The following CFAP91 variants were observed in gnomAD, a reference collection of about 807,000 sequenced individuals.
The protein encoded by CFAP91 is cilia- and flagella-associated protein 91.
Under a neutral mutation model 95.9 loss-of-function variants are expected in CFAP91, and 85 were observed. That is an observed-to-expected ratio of 0.89 (90% CI 0.74 to 1.06). The LOEUF (loss-of-function observed/expected upper bound fraction) is 1.06. Among genes scored for constraint, CFAP91 ranks in the 50% least tolerant of loss-of-function variants. The pLI is 0.00. For missense variants in CFAP91, 962 were observed against 943.4 expected, an observed-to-expected ratio of 1.02 and a Z score of -0.26; for synonymous variants, 335 against 327.5, an observed-to-expected ratio of 1.02 and a Z score of -0.25.
At position 119,766,470 on chromosome 3, in the gene CFAP91, G is replaced by GA. The variant is rs1339377450; in HGVS notation, c.*1425dup. On this transcript the variant is annotated 3_prime_UTR_variant, in exon 18 of 18. Transcript: ENST00000273390. ...GCAACTAAATTTTGTTTTGTTCTTT[G>GA]AAAAAGGCTAACCTGAGCTAGGTAA... The GA allele has an allele frequency of 6.6e-6, 1 of 152,070 alleles. No homozygotes were observed. The highest frequency in any genetic ancestry group is 2.4e-5 in the African/African-American group (1 of 41,404). 9.4% of individuals were successfully genotyped at this position (152,070 alleles called of 1,614,324 possible).
Position 119,730,355 on chromosome 3 carries a change from A to C in CFAP91, c.996A>C (p.Lys332Asn), listed in dbSNP as rs1325493314. The C allele has an allele frequency of 3.1e-6, 5 of 1,614,022 alleles. No individual in the cohort carries two copies. The highest frequency in any genetic ancestry group is 2.7e-5 in the African/African-American group (2 of 74,916). ...LQEGKEAKMA[K>N]IQRTHVSTIR... ...AGGGAAAAGAGGCAAAAATGGCAAA[A>C]ATTCAGCGCACGCATGTATCAAGTA... Residue 332 changes from lysine to asparagine, a missense_variant, in exon 8 of 18, where the codon AAA (lysine) becomes AAC (asparagine). By Grantham distance (94) the Lys-to-Asn change is moderately conservative (BLOSUM62 0). Coordinates refer to ENST00000273390, the MANE Select transcript of CFAP91 (RefSeq NM_033364.4).
chr3:119,757,477 C>T (rs987496863), intron 17 of CFAP91, among the ~76,000 whole-genome samples: 4 of 151,926 alleles, frequency 2.6e-5, no homozygotes, highest in Non-Finnish European at 5.9e-5. Flanking sequence ...AGCCGTGTCT[C>T]TACCAAAAAT....
intron 5 of CFAP91, among the ~76,000 whole-genome samples, chr3:119,710,572 C>A (rs2053454843): frequency 6.6e-6 from 1 of 152,234 alleles, no homozygotes; most frequent in Admixed American, 6.5e-5. Flanking sequence ...GACACAGACA[C>A]ATATTCAAAT....
chr3:119,719,031 C>A (rs771121454), intron 6 of CFAP91, among the ~76,000 whole-genome samples: 1 of 151,978 alleles, frequency 6.6e-6, no homozygotes, highest in Non-Finnish European at 1.5e-5. Context: ...TGAAAACAAC[C>A]CAAATGTCCA....
intron 11 of CFAP91, among the ~76,000 whole-genome samples, chr3:119,738,330 G>GTCTTT (rs2054049093): frequency 1.7e-4 from 4 of 23,706 alleles, no homozygotes; most frequent in Non-Finnish European, 3.7e-4. Context: ...TTGACATATT[G>GTCTTT]TCTTTTTTTT....
At chr3:119,746,091 A>C (rs964266565) in intron 14 of CFAP91, among the ~76,000 whole-genome samples, 2 of 152,206 alleles carry the variant, frequency 1.3e-5, no homozygotes, top group Non-Finnish European at 2.9e-5. Context: ...ATATACATAC[A>C]CCTGTAAAGC....
At position 119,743,964 on chromosome 3, in the gene CFAP91, T is replaced by C. The variant is rs372748628; in HGVS notation, c.1681-11T>C. On this transcript the variant is annotated splice_polypyrimidine_tract_variant and intron_variant, in intron 13 of 17. Transcript: ENST00000273390. ...AATTTGTGTCCTTAAAGTTATGTTATTCTTTTCAAGGTGTCACTGGTTGAA... is the reference window on the plus strand; with the variant it reads ...AATTTGTGTCCTTAAAGTTATGTTACTCTTTTCAAGGTGTCACTGGTTGAA... The C allele has an allele frequency of 8.2e-6, 13 of 1,585,830 alleles. No individual in the cohort carries two copies. The African/African-American group carries it at 1.4e-4, about 17-fold the overall frequency.
At chr3:119,730,600 T>TTGTGTG (rs1559757137) in intron 8 of CFAP91, among the ~76,000 whole-genome samples, 2 of 95,358 alleles carry the variant, frequency 2.1e-5, no homozygotes, top group East Asian at 8.3e-4. Context: ...GTTACTGAGA[T>TTGTGTG]AGTGTGTGTG....
chr3:119,748,425 A>T (rs888827438), intron 16 of CFAP91, among the ~76,000 whole-genome samples: 1 of 152,194 alleles, frequency 6.6e-6, no homozygotes, highest in African/African-American at 2.4e-5. Context: ...TTAAAGATTG[A>T]TGCTTTTAGT....
chr3:119,740,814 A>G lies in CFAP91; in HGVS notation c.1680+119A>G, dbSNP rs182309676. ...ATGATGAAAAAGAAACAGCCCCACA[A>G]TCCCATCACTCTGTCAGCATTTGTG... On this transcript the variant is annotated intron_variant, in intron 13 of 17. Coordinates refer to ENST00000273390, the MANE Select transcript of CFAP91 (RefSeq NM_033364.4). 5 of 900,084 alleles carry G rather than the reference A, an allele frequency of 5.6e-6. No homozygotes were observed. The African/African-American group carries it at 7.0e-5, about 13-fold the overall frequency. The allele number at this position is 900,084 out of a possible 1,614,324, so 55.8% of individuals were successfully genotyped here.
chr3:119,757,222 C>T (rs547783532), intron 17 of CFAP91, among the ~76,000 whole-genome samples: 10 of 152,216 alleles, frequency 6.6e-5, no homozygotes, highest in African/African-American at 1.7e-4. Context: ...CTTAATAGCA[C>T]GGCCTCCCCC....
chr3:119,713,151 G>C (rs568994217), intron 5 of CFAP91: 1 of 148,750 alleles, frequency 6.7e-6, no homozygotes, highest in South Asian at 2.1e-4. Context: ...ATGGAGTCTT[G>C]CTCCATCACT....
At chr3:119,736,234 C>T (rs1448309592) in intron 10 of CFAP91, among the ~76,000 whole-genome samples, 1 of 151,586 alleles carries the variant, frequency 6.6e-6, no homozygotes, top group Non-Finnish European at 1.5e-5. Context: ...TTCCCCTCAG[C>T]CCCTGGCAAC....
chr3:119,734,877 A>G (rs1342842415), intron 10 of CFAP91, among the ~76,000 whole-genome samples: 3 of 152,222 alleles, frequency 2.0e-5, no homozygotes, highest in African/African-American at 7.2e-5. Context: ...ACTTTGGTAG[A>G]ATATGCATAT....
Position 119,765,719 on chromosome 3 carries a change from A to G in CFAP91, c.*669A>G, listed in dbSNP as rs1450848533. The G allele has an allele frequency of 6.6e-6, 1 of 152,226 alleles. No homozygotes were observed. The highest frequency in any genetic ancestry group is 1.5e-5 in the Non-Finnish European group (1 of 68,038). 9.4% of individuals were successfully genotyped at this position (152,226 alleles called of 1,614,324 possible). On this transcript the variant is annotated 3_prime_UTR_variant, in exon 18 of 18. Transcript: ENST00000273390. ...GGCAATCTGCCCATCCTGTGTATTG[A>G]CAAGCATCAGGATTCCAGGAGGATT...
At chr3:119,737,839 G>A (rs2054040248) in intron 11 of CFAP91, among the ~76,000 whole-genome samples, 1 of 152,178 alleles carries the variant, frequency 6.6e-6, no homozygotes, top group Non-Finnish European at 1.5e-5. Context: ...TGTTGGAGTC[G>A]AAGAGGAATG....
chr3:119,706,886 G>A lies in CFAP91; in HGVS notation c.201+1G>A, dbSNP rs1188839733. On this transcript the variant is annotated splice_donor_variant, in intron 2 of 17. Coordinates refer to ENST00000273390, the MANE Select transcript of CFAP91 (RefSeq NM_033364.4). LOFTEE classifies it high-confidence loss of function. ...AGCTACCCTGATTCGCAGCAGACTG[G>A]TATGTCTAATTCATCAGCCAAGGCT... 13 of 1,610,336 alleles carry A rather than the reference G, an allele frequency of 8.1e-6. No individual in the cohort carries two copies. Among genetic ancestry groups the A allele is most frequent in the Non-Finnish European group, 8.5e-7 (1 of 1,178,026 alleles).
At chr3:119,761,068 A>G (rs1198833136) in intron 17 of CFAP91, among the ~76,000 whole-genome samples, 1 of 151,818 alleles carries the variant, frequency 6.6e-6, no homozygotes, top group Non-Finnish European at 1.5e-5. Context: ...AATAATAGAA[A>G]AGATCAACAA....
At chr3:119,751,148 G>A (rs754506738) in intron 17 of CFAP91, 50 bp downstream of exon 17, 40 of 1,548,070 alleles carry the variant, frequency 2.6e-5, no homozygotes, top group East Asian at 2.0e-4. Flanking sequence ...GAAGAAAAGC[G>A]GCATTGTTCA....
Sources: allele counts gnomAD v4.1 joint callset (sites outside exome capture counted in the v4.1 genomes callset), GRCh38; gene constraint gnomAD v4.1.1; transcripts MANE v1.5; gene names NCBI Gene and HGNC (gene_info 2026-07-23, HGNC 2026-07-21).